The following METTL8 variants were observed in gnomAD, a reference collection of about 807,000 sequenced individuals.
METTL8 encodes the protein tRNA N(3)-cytidine methyltransferase METTL8, mitochondrial.
Under a neutral mutation model 48.7 loss-of-function variants are expected in METTL8, and 32 were observed. That is an observed-to-expected ratio of 0.66 (90% CI 0.50 to 0.88). The LOEUF (loss-of-function observed/expected upper bound fraction) is 0.88, where lower values mean the gene tolerates loss of function less well. METTL8 is among the 40% of genes least tolerant of loss of function. The pLI, the probability that METTL8 is intolerant of heterozygous loss-of-function variation, is 0.00. For missense variants in METTL8, 464 were observed against 474.4 expected, an observed-to-expected ratio of 0.98 and a Z score of 0.20; for synonymous variants, 136 against 157.1, an observed-to-expected ratio of 0.87 and a Z score of 1.01.
chr2:171,395,828 A>T (rs989573642), intron 1 of METTL8, among the ~76,000 whole-genome samples: 1 of 152,250 alleles, frequency 6.6e-6, no homozygotes, highest in African/African-American at 2.4e-5. Flanking sequence ...AGGATAAAGA[A>T]GATTTGAACA....
intron 2 of METTL8, 101 bp downstream of exon 2, chr2:171,391,942 G>C: frequency 8.4e-7 from 1 of 1,195,558 alleles, no homozygotes; most frequent in Middle Eastern, 2.8e-4. Context: ...CATGAGTTAG[G>C]TCATCAGCTT....
intron 3 of METTL8, among the ~76,000 whole-genome samples, chr2:171,356,955 T>TTTTTTTTTTTTTTTG (rs1559101798): frequency 1.7e-5 from 2 of 121,088 alleles, no homozygotes; most frequent in Non-Finnish European, 3.5e-5. Context: ...AGACAATATT[T>TTTTTTTTTTTTTTTG]TTTTTTTTTT....
chr2:171,388,000 C>A (rs147855711), intron 2 of METTL8, among the ~76,000 whole-genome samples: 133 of 152,330 alleles, frequency 8.7e-4, no homozygotes, highest in African/African-American at 3.0e-3. Context: ...TGTCTGCGTG[C>A]TGGACATTTA....
In METTL8 at chr2:171,324,085, T is replaced by TC; in HGVS notation, c.*86dup. The TC allele has an allele frequency of 9.5e-7, 1 of 1,049,214 alleles. No individual in the cohort carries two copies. Among genetic ancestry groups the TC allele is most frequent in the Non-Finnish European group, 1.3e-6 (1 of 740,790 alleles). 65.0% of individuals were successfully genotyped at this position (1,049,214 alleles called of 1,614,324 possible). A position where few individuals can be genotyped will look rare whatever the true frequency, so the allele number is the denominator to read the frequency against. On this transcript the variant is annotated 3_prime_UTR_variant, in exon 10 of 10. Coordinates refer to ENST00000375258, the MANE Select transcript of METTL8 (RefSeq NM_001321154.2). ...GGAAATACAAATTCTCTTCTTTTTT[T>TC]CTCATTGTCTTTTGAGAAACAATAG...
intron 2 of METTL8, among the ~76,000 whole-genome samples, chr2:171,388,124 C>G (rs902281219): frequency 6.6e-6 from 1 of 152,206 alleles, no homozygotes; most frequent in African/African-American, 2.4e-5. Context: ...CTATTTCTAT[C>G]AGTTACTTAA....
At chr2:171,330,805 C>T in intron 6 of METTL8, 107 bp from the exon 7 acceptor site, 1 of 857,716 alleles carries the variant, frequency 1.2e-6, no homozygotes, top group African/African-American at 1.7e-5. Context: ...TCCCAAAAGC[C>T]TTTCCTCTGT....
At position 171,316,806 on chromosome 2, in the gene METTL8, T is replaced by C. The variant is rs577151701; in HGVS notation, c.*7366A>G. On this transcript the variant is annotated 3_prime_UTR_variant, in exon 10 of 10. Coordinates refer to ENST00000375258, the MANE Select transcript of METTL8 (RefSeq NM_001321154.2). ...GGCAGAAATTTCTTTCTTGTTTCAA[T>C]GCAGCATGTGATACTGGCAATTTCA... Among the ~76,000 whole-genome samples the C allele has an allele frequency of 1.3e-5, 2 of 152,354 alleles. No homozygotes were observed. Among genetic ancestry groups the C allele is most frequent in the Non-Finnish European group, 2.9e-5 (2 of 68,026 alleles).
At chr2:171,430,791 T>C (rs552851087) in intron 1 of METTL8, among the ~76,000 whole-genome samples, 60 of 152,354 alleles carry the variant, frequency 3.9e-4, no homozygotes, top group African/African-American at 1.4e-3. Context: ...GATAAATCTA[T>C]GGACCAGATC....
At chr2:171,409,233 G>A (rs1046602181) in intron 1 of METTL8, among the ~76,000 whole-genome samples, 2 of 152,130 alleles carry the variant, frequency 1.3e-5, no homozygotes, top group Non-Finnish European at 2.9e-5. Flanking sequence ...CTATCAGTGC[G>A]TTCGTAAAAT....
At chr2:171,412,916 A>G (rs1260836155) in intron 1 of METTL8, among the ~76,000 whole-genome samples, 1 of 152,248 alleles carries the variant, frequency 6.6e-6, no homozygotes, top group South Asian at 2.1e-4. Context: ...AATTCTGGAA[A>G]ACCTGTGTTC....
At position 171,423,114 on chromosome 2, in the gene METTL8, C is replaced by T. The variant is rs1692042338; in HGVS notation, c.-13+10769G>A. ...TTCTCCCCTGCTTCACTCTGCACTT[C>T]TCCTTGCTGCTGCCATGTGAAGAAC... On this transcript the variant is annotated intron_variant, in intron 1 of 9. Transcript: ENST00000375258. Among the ~76,000 whole-genome samples the T allele has an allele frequency of 2.6e-5, 4 of 152,352 alleles. No homozygotes were observed. The South Asian group carries it at 8.3e-4, about 32-fold the overall frequency.
chr2:171,385,652 G>T (rs1052988835), intron 2 of METTL8, among the ~76,000 whole-genome samples: 4 of 152,180 alleles, frequency 2.6e-5, no homozygotes, highest in Admixed American at 1.3e-4. Flanking sequence ...AACCCCTTGG[G>T]GGGTATGCTA....
intron 5 of METTL8, 191 bp from the exon 6 acceptor site, chr2:171,332,058 G>C (rs1445225344): frequency 2.1e-6 from 1 of 469,866 alleles, no homozygotes; most frequent in Non-Finnish European, 3.9e-6. Context: ...GCTAATTTTA[G>C]ATTTTTTTGT....
intron 2 of METTL8, among the ~76,000 whole-genome samples, chr2:171,374,558 T>C (rs554162509): frequency 6.6e-6 from 1 of 152,320 alleles, no homozygotes; most frequent in South Asian, 2.1e-4. Flanking sequence ...TTAATATATG[T>C]AGACACTTGT....
intron 9 of METTL8, among the ~76,000 whole-genome samples, chr2:171,325,218 C>T (rs1247628948): frequency 1.3e-5 from 2 of 151,648 alleles, no homozygotes; most frequent in Non-Finnish European, 2.9e-5. Flanking sequence ...ATAAGATTCA[C>T]TCTGCTGCCC....
intron 4 of METTL8, among the ~76,000 whole-genome samples, chr2:171,338,905 G>A (rs1386592231): frequency 3.3e-5 from 5 of 151,830 alleles, no homozygotes; most frequent in Non-Finnish European, 7.4e-5. Flanking sequence ...TAAGGCCAAA[G>A]CTTCATTGGT....
rs138005755 is a variant in METTL8, at chr2:171,364,524, C to T, written c.144-4011G>A. On this transcript the variant is annotated intron_variant, in intron 2 of 9. Transcript: ENST00000375258. The stretch of plus-strand genomic sequence containing the variant: ...TTTGAGTAAAACAAATTTTTACATG[C>T]CCTATAATTTGTTTGTATACATAGT... Among the ~76,000 whole-genome samples the T allele has an allele frequency of 1.6e-3, 251 of 152,168 alleles. 1 individual carries two copies. The highest frequency in any genetic ancestry group is 6.8e-3 in the Middle Eastern group (2 of 292).
chr2:171,419,619 C>A (rs563010595), intron 1 of METTL8, among the ~76,000 whole-genome samples: 1 of 152,298 alleles, frequency 6.6e-6, no homozygotes, highest in South Asian at 2.1e-4. Context: ...CTTACGGTCT[C>A]ATTTCCAAAG....
intron 3 of METTL8, among the ~76,000 whole-genome samples, chr2:171,353,339 G>T (rs1684165968): frequency 6.6e-6 from 1 of 152,176 alleles, no homozygotes; most frequent in African/African-American, 2.4e-5. Context: ...GCGACTGTTT[G>T]TTATAATTTC....
Sources: allele counts gnomAD v4.1 joint callset (sites outside exome capture counted in the v4.1 genomes callset), GRCh38; gene constraint gnomAD v4.1.1; transcripts MANE v1.5; gene names NCBI Gene and HGNC (gene_info 2026-07-23, HGNC 2026-07-21).